PRKAG2: variants seen among roughly 807,000 people sequenced by gnomAD.
The protein encoded by PRKAG2 is 5'-AMP-activated protein kinase subunit gamma-2.
In PRKAG2, 26 loss-of-function variants were observed where a neutral mutation model predicts 69.6. That is an observed-to-expected ratio of 0.37 (90% CI 0.27 to 0.52). The LOEUF is 0.52. Ranked by LOEUF, PRKAG2 falls within the 20% of genes least tolerant of loss-of-function variation. The probability of loss-of-function intolerance (pLI) is 0.90; values close to 1 mark genes in which losing one functional copy is unlikely to be tolerated. For synonymous variants in PRKAG2, 293 were observed against 285.0 expected (o/e 1.03, Z -0.28); for missense variants, 557 against 740.0 (o/e 0.75, Z 2.87).
At chr7:151,795,866 T>TAC (rs1179650653) in intron 1 of PRKAG2, among the ~76,000 whole-genome samples, 114 of 106,700 alleles carry the variant, frequency 1.1e-3, no homozygotes, top group African/African-American at 4.8e-3. Context: ...TATATATATA[T>TAC]ATATATATAT....
At chr7:151,830,824 C>T (rs1024640476) in intron 1 of PRKAG2, among the ~76,000 whole-genome samples, 2 of 151,686 alleles carry the variant, frequency 1.3e-5, no homozygotes, top group Non-Finnish European at 2.9e-5. Flanking sequence ...AGCGTGGTCC[C>T]TTCTTTCACT....
At chr7:151,684,886 T>C (rs1431997740) in intron 3 of PRKAG2, among the ~76,000 whole-genome samples, 1 of 152,166 alleles carries the variant, frequency 6.6e-6, no homozygotes, top group Non-Finnish European at 1.5e-5. Context: ...GGCCAGTCCC[T>C]GGTTTCTCAT....
At chr7:151,735,068 C>T (rs1475626219) in intron 3 of PRKAG2, among the ~76,000 whole-genome samples, 1 of 152,024 alleles carries the variant, frequency 6.6e-6, no homozygotes, top group African/African-American at 2.4e-5. Context: ...GTTGGCCAGG[C>T]TGGTCTCGAA....
chr7:151,834,557 TGA>T (rs1349762603), intron 1 of PRKAG2, among the ~76,000 whole-genome samples: 1 of 152,196 alleles, frequency 6.6e-6, no homozygotes, highest in African/African-American at 2.4e-5. Flanking sequence ...CACCCTCAGG[TGA>T]GAGTCTTCCG....
At chr7:151,858,510 C>A (rs1171004963) in intron 1 of PRKAG2, among the ~76,000 whole-genome samples, 1 of 152,132 alleles carries the variant, frequency 6.6e-6, no homozygotes, top group Admixed American at 6.5e-5. Context: ...TAGTTAAATA[C>A]CCATATCTCC....
At chr7:151,739,472 C>T (rs200378478) in intron 3 of PRKAG2, among the ~76,000 whole-genome samples, 2 of 104,078 alleles carry the variant, frequency 1.9e-5, no homozygotes, top group African/African-American at 7.9e-5. Flanking sequence ...ATTTATTTAT[C>T]TATTTTTATT....
At chr7:151,753,073 C>T (rs1477808539) in intron 3 of PRKAG2, among the ~76,000 whole-genome samples, 1 of 152,182 alleles carries the variant, frequency 6.6e-6, no homozygotes, top group African/African-American at 2.4e-5. Flanking sequence ...GAGGAAATGT[C>T]GAAGGGCAGG....
intron 6 of PRKAG2, 66 bp from the exon 7 acceptor site, chr7:151,576,518 T>G (rs1286305515): frequency 7.4e-7 from 1 of 1,356,332 alleles, no homozygotes; most frequent in East Asian, 2.4e-5. Flanking sequence ...CTTTTTTTTT[T>G]GAGACAAGGT....
intron 5 of PRKAG2, among the ~76,000 whole-genome samples, chr7:151,600,262 G>C (rs895183172): frequency 6.6e-6 from 1 of 152,158 alleles, no homozygotes; most frequent in Non-Finnish European, 1.5e-5. Flanking sequence ...AGCCCACACC[G>C]ATCTGTGCAT....
chr7:151,584,378 C>G (rs369213628), intron 6 of PRKAG2, among the ~76,000 whole-genome samples: 1 of 152,076 alleles, frequency 6.6e-6, no homozygotes, highest in East Asian at 1.9e-4. Flanking sequence ...TTAGCAGTCA[C>G]TCTTAATTAT....
chr7:151,582,031 G>A (rs80311488), intron 6 of PRKAG2, among the ~76,000 whole-genome samples: 21,158 of 152,166 alleles, frequency 0.14, 1,541 homozygotes, highest in African/African-American at 0.16. Flanking sequence ...CTGATCACGC[G>A]TGCTGAATCA....
In PRKAG2 at chr7:151,567,417, G is replaced by A. The variant is rs1047702219; in HGVS notation, c.1233+1299C>T. On this transcript the variant is annotated intron_variant, in intron 11 of 15. Coordinates refer to ENST00000287878, the MANE Select transcript of PRKAG2 (RefSeq NM_016203.4). The surrounding 1 kb of genome is among the most constrained non-coding windows in gnomAD (Gnocchi z 4.2). ...ATGTCAAGTGCTTAGAACAGTGCCG[G>A]ACATACAGTAATCAGCTCTCATGAT... Among the ~76,000 whole-genome samples, 3 of 152,122 alleles carry A rather than the reference G, an allele frequency of 2.0e-5. No homozygotes were observed. The highest frequency in any genetic ancestry group is 4.4e-5 in the Non-Finnish European group (3 of 68,024).
chr7:151,757,964 C>A (rs887096412), intron 3 of PRKAG2, among the ~76,000 whole-genome samples: 2 of 152,220 alleles, frequency 1.3e-5, no homozygotes, highest in East Asian at 1.9e-4. Context: ...ACCACTGCTG[C>A]GATGAAGCCC....
intron 5 of PRKAG2, among the ~76,000 whole-genome samples, chr7:151,619,029 G>C (rs1820854485): frequency 1.3e-5 from 2 of 152,196 alleles, no homozygotes; most frequent in African/African-American, 4.8e-5. Flanking sequence ...AGAAGAAAAA[G>C]CACAGGCAGG....
chr7:151,840,250 G>A (rs2079244499), intron 1 of PRKAG2, among the ~76,000 whole-genome samples: 1 of 152,136 alleles, frequency 6.6e-6, no homozygotes, highest in African/African-American at 2.4e-5. Flanking sequence ...CTTGAGGGAG[G>A]ACAGGTCCTC....
chr7:151,809,109 C>T (rs2078282221), intron 1 of PRKAG2: 3 of 408,224 alleles, frequency 7.3e-6, no homozygotes, highest in South Asian at 5.4e-5. Flanking sequence ...GGGGTGGTGG[C>T]AGATGCCTGC....
At chr7:151,791,748 T>C (rs941025238) in intron 1 of PRKAG2, among the ~76,000 whole-genome samples, 1 of 152,220 alleles carries the variant, frequency 6.6e-6, no homozygotes, top group African/African-American at 2.4e-5. Flanking sequence ...AACTCATTCA[T>C]CCATCTCGCT....
rs1384435755 is a variant in PRKAG2, at chr7:151,638,841, G to T, written c.685-6703C>A. 6.6e-6 allele frequency among the ~76,000 whole-genome samples: 1 copy of T among 152,126 alleles called. No homozygotes were observed. The highest frequency in any genetic ancestry group is 2.4e-5 in the African/African-American group (1 of 41,426). On this transcript the variant is annotated intron_variant, in intron 4 of 15. Transcript: ENST00000287878. The surrounding 1 kb of genome is among the most constrained non-coding windows in gnomAD (Gnocchi z 4.3). ...AAGAAGTCTTAAATAGCTCCTGCAA[G>T]AAATAAATCAACCTCAAATACTGGG...
At position 151,557,251 on chromosome 7, in the gene PRKAG2, T is replaced by C. The variant is rs200262620; in HGVS notation, c.1679-19A>G. 129 of 1,613,856 alleles carry C rather than the reference T, an allele frequency of 8.0e-5. 1 individual carries two copies. Among genetic ancestry groups the C allele is most frequent in the Middle Eastern group, 4.9e-4 (3 of 6,082 alleles). ...TTGGCACCTGTCAGTGGATGGAAGATGAAAGTTTCAAAGCTCATGGTAACA... is the reference window on the plus strand; with the variant it reads ...TTGGCACCTGTCAGTGGATGGAAGACGAAAGTTTCAAAGCTCATGGTAACA... On this transcript the variant is annotated intron_variant, in intron 15 of 15. Coordinates refer to ENST00000287878, the MANE Select transcript of PRKAG2 (RefSeq NM_016203.4).
Sources: allele counts gnomAD v4.1 joint callset (sites outside exome capture counted in the v4.1 genomes callset), GRCh38; gene constraint gnomAD v4.1.1; non-coding constraint Gnocchi (gnomAD v3.1); transcripts MANE v1.5; gene names NCBI Gene and HGNC (gene_info 2026-07-23, HGNC 2026-07-21).